ABCB5: variants seen among roughly 807,000 people sequenced by gnomAD.
ABCB5 encodes ATP-binding cassette sub-family B member 5.
In ABCB5, 155 loss-of-function variants were observed where a neutral mutation model predicts 144.2. That is an observed-to-expected ratio of 1.08 (90% CI 0.94 to 1.23). ABCB5 has a LOEUF of 1.23. Ranked by LOEUF, ABCB5 falls within the 50% of genes most tolerant of loss-of-function variation. The pLI, the probability that ABCB5 is intolerant of heterozygous loss-of-function variation, is 0.00. For synonymous variants in ABCB5, 610 were observed against 528.6 expected (o/e 1.15, Z -2.11); for missense variants, 1,830 against 1,520.8 (o/e 1.20, Z -3.38).
chr7:20,727,071 C>G lies in ABCB5; in HGVS notation c.2657C>G (p.Thr886Ser), dbSNP rs750438006. The change falls in exon 22 of 28, where the codon ACT becomes AGT. Residue 886 changes from threonine to serine, a missense_variant. By Grantham distance (58) the Thr-to-Ser change is moderately conservative. Coordinates refer to ENST00000404938, the MANE Select transcript of ABCB5 (RefSeq NM_001163941.2). ...ACTGAAGCTTTGGAGAATATACGTA[C>G]TATAGTGTCATTAACAAGGGAAAAA... ...IATEALENIR[T>S]IVSLTREKAF... 7 of 1,613,276 alleles carry G rather than the reference C, an allele frequency of 4.3e-6. No homozygotes were observed. Among genetic ancestry groups the G allele is most frequent in the South Asian group, 3.3e-5 (3 of 91,048 alleles).
chr7:20,685,541 T>A (rs1320969626), intron 15 of ABCB5, among the ~76,000 whole-genome samples, 155 bp from the exon 16 acceptor site: 1 of 152,226 alleles, frequency 6.6e-6, no homozygotes, highest in Non-Finnish European at 1.5e-5. Context: ...ACTTATCAGC[T>A]CTCTATCAAG....
chr7:20,670,922 A>T (rs1785445918), intron 14 of ABCB5, among the ~76,000 whole-genome samples: 1 of 152,222 alleles, frequency 6.6e-6, no homozygotes, highest in Admixed American at 6.5e-5. Flanking sequence ...ATAAAAAGAA[A>T]AAAAGAAAAG....
chr7:20,706,020 G>A (rs1401964259), intron 20 of ABCB5, among the ~76,000 whole-genome samples: 4 of 152,046 alleles, frequency 2.6e-5, no homozygotes, highest in Admixed American at 2.0e-4. Flanking sequence ...AATTTTGAAG[G>A]CAAGGTTCTA....
intron 1 of ABCB5, among the ~76,000 whole-genome samples, chr7:20,617,925 T>C (rs1277808797): frequency 1.3e-5 from 2 of 152,108 alleles, no homozygotes; most frequent in Non-Finnish European, 2.9e-5. Flanking sequence ...ATAACAACTA[T>C]AAGCACACAG....
chr7:20,711,475 T>C (rs1787030212), intron 20 of ABCB5, among the ~76,000 whole-genome samples: 1 of 148,666 alleles, frequency 6.7e-6, no homozygotes, highest in Admixed American at 6.7e-5. Flanking sequence ...TCTTTTTTTT[T>C]TTTTGAGACA....
intron 14 of ABCB5, chr7:20,660,414 T>C: frequency 2.0e-6 from 2 of 985,352 alleles, no homozygotes; most frequent in Non-Finnish European, 2.4e-6. Context: ...CTGCTTTATG[T>C]ATGGTTTGCT....
At position 20,647,571 on chromosome 7, in the gene ABCB5, G is replaced by C. The variant is rs1480972529; in HGVS notation, c.1018G>C (p.Gly340Arg). 4 of 1,588,044 alleles carry C rather than the reference G, an allele frequency of 2.5e-6. No individual in the cohort carries two copies. Among genetic ancestry groups the C allele is most frequent in the Non-Finnish European group, 3.4e-6 (4 of 1,166,162 alleles). ...FSVIHSSYCI[G>R]AAVPHFETFA... is the part of the protein sequence containing the mutation. ...TGTAATCCATAGCAGTTATTGCATT[G>C]GAGCAGCAGTCCCTCACTTTGAAAC... Residue 340 changes from glycine (G) to arginine (R), a missense_variant, in exon 10 of 28, where the codon GGA becomes CGA. Gly to Arg is a moderately radical substitution (Grantham distance 125, BLOSUM62 -2). Coordinates refer to ENST00000404938, the MANE Select transcript of ABCB5 (RefSeq NM_001163941.2).
chr7:20,728,400 C>G lies in ABCB5; in HGVS notation c.2812C>G (p.Arg938Gly), dbSNP rs199675268. ...FIYFAYAAGF[R>G]FGAYLIQAGR... ...ATATTTTGCCTATGCGGCAGGGTTT[C>G]GATTTGGAGCCTATTTAATTCAAGC... Residue 938 changes from arginine to glycine, a missense_variant, in exon 23 of 28, where the codon CGA becomes GGA. Coordinates refer to ENST00000404938, the MANE Select transcript of ABCB5 (RefSeq NM_001163941.2). 3.1e-6 allele frequency: 5 copies of G among 1,613,962 alleles called. No homozygotes were observed. Among genetic ancestry groups the G allele is most frequent in the Non-Finnish European group, 4.2e-6 (5 of 1,180,006 alleles).
intron 1 of ABCB5, among the ~76,000 whole-genome samples, chr7:20,621,150 T>C (rs1783797652): frequency 6.6e-6 from 1 of 152,092 alleles, no homozygotes; most frequent in African/African-American, 2.4e-5. Flanking sequence ...GAAAAAATAT[T>C]GTATGATTCC....
At chr7:20,680,139 G>C (rs1198486298) in intron 14 of ABCB5, among the ~76,000 whole-genome samples, 1 of 152,206 alleles carries the variant, frequency 6.6e-6, no homozygotes, top group Non-Finnish European at 1.5e-5. Context: ...ATAATGTTGA[G>C]TGAAAAGACC....
intron 20 of ABCB5, among the ~76,000 whole-genome samples, chr7:20,715,379 G>A (rs1283856867): frequency 1.3e-5 from 2 of 151,894 alleles, no homozygotes; most frequent in Admixed American, 6.6e-5. Context: ...TTGCTTTAAT[G>A]TCTAGAGCTG....
intron 14 of ABCB5, among the ~76,000 whole-genome samples, chr7:20,671,492 T>G (rs914903066): frequency 6.6e-6 from 1 of 152,226 alleles, no homozygotes; most frequent in Non-Finnish European, 1.5e-5. Context: ...CCCCTGATCC[T>G]TGGCAACCAC....
chr7:20,688,965 G>C (rs189408404), intron 16 of ABCB5, among the ~76,000 whole-genome samples: 1 of 151,666 alleles, frequency 6.6e-6, no homozygotes, highest in South Asian at 2.1e-4. Flanking sequence ...CAGGGTCTGT[G>C]GTGGGGTGGG....
intron 14 of ABCB5, among the ~76,000 whole-genome samples, chr7:20,676,845 G>A (rs962400969): frequency 1.3e-5 from 2 of 152,040 alleles, no homozygotes; most frequent in Non-Finnish European, 2.9e-5. Flanking sequence ...AGACTTAGGG[G>A]GTTAAAAAAC....
At chr7:20,715,805 C>T (rs1166146005) in intron 20 of ABCB5, among the ~76,000 whole-genome samples, 2 of 151,712 alleles carry the variant, frequency 1.3e-5, no homozygotes, top group Non-Finnish European at 1.5e-5. Flanking sequence ...CTGCAACCTC[C>T]GCCTCCCGGG....
intron 14 of ABCB5, among the ~76,000 whole-genome samples, chr7:20,670,212 T>C (rs1285439790): frequency 1.3e-5 from 2 of 152,066 alleles, no homozygotes; most frequent in Non-Finnish European, 2.9e-5. Flanking sequence ...AGTTGAAAAT[T>C]AGAGAAATCT....
intron 16 of ABCB5, among the ~76,000 whole-genome samples, chr7:20,690,942 GAT>G (rs1414388959): frequency 6.6e-6 from 1 of 152,116 alleles, no homozygotes; most frequent in East Asian, 1.9e-4. Flanking sequence ...TTTCAACCAA[GAT>G]AGATTAACAG....
At chr7:20,701,544 C>T (rs4142216) in intron 19 of ABCB5, among the ~76,000 whole-genome samples, 83,506 of 151,910 alleles carry the variant, frequency 0.55, 23,584 homozygotes, top group East Asian at 0.85. Context: ...GCCATGAGAC[C>T]GTTTAATGAG....
Position 20,632,075 on chromosome 7 carries a change from T to A in ABCB5, c.276T>A (p.Cys92Ter). 2 of 1,524,770 alleles carry A rather than the reference T, an allele frequency of 1.3e-6. No individual in the cohort carries two copies. Among genetic ancestry groups the A allele is most frequent in the Non-Finnish European group, 1.8e-6 (2 of 1,134,544 alleles). 94.5% of individuals were successfully genotyped at this position (1,524,770 alleles called of 1,614,324 possible). A position where few individuals can be genotyped will look rare whatever the true frequency, so the allele number is the denominator to read the frequency against. ...VQTNTTNYQNCTQSQEKLNED... is the reference protein window; with the variant it reads ...VQTNTTNYQN The stretch of plus-strand genomic sequence containing the variant: ...TTTTTACAGCAAATTATCAGAACTG[T>A]ACTCAGTCTCAAGAGAAGCTGAATG... The change falls in exon 5 of 28, where the codon TGT (cysteine) becomes TGA (stop). Residue 92 changes from cysteine (C) to a stop codon, truncating the protein, a stop_gained. Coordinates refer to ENST00000404938, the MANE Select transcript of ABCB5 (RefSeq NM_001163941.2). LOFTEE classifies it high-confidence loss of function.
Sources: gnomAD v4.1 joint callset for allele counts (sites outside exome capture counted in the v4.1 genomes callset) on GRCh38, gnomAD v4.1.1 for gene constraint, MANE v1.5 for transcripts, NCBI Gene and HGNC (gene_info 2026-07-23, HGNC 2026-07-21) for gene names.